WWOX: variants seen among roughly 807,000 people sequenced by gnomAD.
WWOX encodes the protein WW domain-containing oxidoreductase.
WWOX carries 69 observed loss-of-function variants against 46.2 expected under a neutral mutation model. That is an observed-to-expected ratio of 1.49 (90% CI 1.23 to 1.82). The LOEUF is 1.82. Among genes scored for constraint, WWOX ranks in the 40% most tolerant of loss-of-function variants. The pLI is 0.00. For missense variants in WWOX, 919 were observed against 542.6 expected, an observed-to-expected ratio of 1.69 and a Z score of -6.89; for synonymous variants, 359 against 202.6, an observed-to-expected ratio of 1.77 and a Z score of -6.56.
At chr16:79,061,934 G>C (rs556803172) in intron 8 of WWOX, among the ~76,000 whole-genome samples, 4 of 152,176 alleles carry the variant, frequency 2.6e-5, no homozygotes, top group Non-Finnish European at 5.9e-5. Flanking sequence ...GTGATATTGG[G>C]AAAGTGGGAC....
intron 8 of WWOX, among the ~76,000 whole-genome samples, chr16:79,069,112 C>A (rs1028187235): frequency 4.6e-5 from 7 of 152,172 alleles, no homozygotes; most frequent in African/African-American, 1.4e-4. Context: ...GAACTCCCCA[C>A]GTGTGACATC....
At chr16:79,167,376 G>C (rs193218346) in intron 8 of WWOX, among the ~76,000 whole-genome samples, 1 of 152,136 alleles carries the variant, frequency 6.6e-6, no homozygotes, top group Non-Finnish European at 1.5e-5. Flanking sequence ...CTTAGTATTT[G>C]GTTTTTTTCT....
intron 8 of WWOX, among the ~76,000 whole-genome samples, chr16:78,619,851 T>C (rs1417086541): frequency 6.6e-6 from 1 of 151,910 alleles, no homozygotes; most frequent in Non-Finnish European, 1.5e-5. Flanking sequence ...TGAACCATGA[T>C]TGCACCGTTG....
At chr16:78,567,997 G>A (rs1208367019) in intron 8 of WWOX, among the ~76,000 whole-genome samples, 2 of 152,138 alleles carry the variant, frequency 1.3e-5, no homozygotes, top group African/African-American at 4.8e-5. Flanking sequence ...GAAATCTAGA[G>A]CCTCTGTTCA....
At chr16:78,175,804 T>C (rs367637313) in intron 5 of WWOX, among the ~76,000 whole-genome samples, 6 of 152,216 alleles carry the variant, frequency 3.9e-5, no homozygotes, top group Non-Finnish European at 7.3e-5. Flanking sequence ...GAATTTGTGA[T>C]GTAGCGGTAG....
At chr16:78,120,279 T>G (rs2033022837) in intron 4 of WWOX, among the ~76,000 whole-genome samples, 1 of 152,142 alleles carries the variant, frequency 6.6e-6, no homozygotes, top group Non-Finnish European at 1.5e-5. Flanking sequence ...AATGAAGGTA[T>G]AAATATTTCA....
chr16:78,348,958 G>A lies in WWOX; in HGVS notation c.517-37902G>A, dbSNP rs895435495. 3.3e-5 allele frequency among the ~76,000 whole-genome samples: 4 copies of A among 120,836 alleles called. No homozygotes were observed. The East Asian group carries it at 7.7e-4, about 23-fold the overall frequency. 79.3% of individuals were successfully genotyped at this position (120,836 alleles called of 152,430 possible). A position where few individuals can be genotyped will look rare whatever the true frequency, so the allele number is the denominator to read the frequency against. Reference sequence around the variant, plus strand: ...AGAGGGGAAAAGAGGAAGTCTGAACGAGGGCCACATTGCAGATAGAGGCCG... The same window carrying A: ...AGAGGGGAAAAGAGGAAGTCTGAACAAGGGCCACATTGCAGATAGAGGCCG... On this transcript the variant is annotated intron_variant, in intron 5 of 8. Coordinates refer to ENST00000566780, the MANE Select transcript of WWOX (RefSeq NM_016373.4).
At chr16:78,721,294 C>G (rs561077161) in intron 8 of WWOX, among the ~76,000 whole-genome samples, 2 of 152,258 alleles carry the variant, frequency 1.3e-5, no homozygotes, top group East Asian at 3.9e-4. Context: ...TTCCATTATT[C>G]TATTTCCCCC....
intron 5 of WWOX, among the ~76,000 whole-genome samples, chr16:78,181,175 G>A (rs76701707): frequency 2.6e-5 from 4 of 152,198 alleles, no homozygotes; most frequent in Middle Eastern, 3.4e-3. Context: ...GTGGAGACAC[G>A]GAGGAGGGAC....
At chr16:78,574,994 T>C (rs2044813977) in intron 8 of WWOX, among the ~76,000 whole-genome samples, 1 of 75,230 alleles carries the variant, frequency 1.3e-5, no homozygotes, top group African/African-American at 4.7e-5. Flanking sequence ...ATATTTATTT[T>C]TCAATTATAT....
At chr16:78,473,311 G>C (rs1379564139) in intron 8 of WWOX, among the ~76,000 whole-genome samples, 1 of 152,118 alleles carries the variant, frequency 6.6e-6, no homozygotes, top group Non-Finnish European at 1.5e-5. Flanking sequence ...TGTAGTTTTA[G>C]TGGAGACAGG....
At chr16:78,846,948 T>C (rs2052314063) in intron 8 of WWOX, among the ~76,000 whole-genome samples, 1 of 152,252 alleles carries the variant, frequency 6.6e-6, no homozygotes, top group Non-Finnish European at 1.5e-5. Flanking sequence ...CTGTAGGTCA[T>C]AATACGACAG....
At chr16:78,920,707 G>A (rs1408452375) in intron 8 of WWOX, among the ~76,000 whole-genome samples, 1 of 152,162 alleles carries the variant, frequency 6.6e-6, no homozygotes, top group Non-Finnish European at 1.5e-5. Context: ...GATGGAGACA[G>A]AGAGAGAAAG....
rs373024838 is a variant in WWOX, at chr16:78,773,578, A to G, written c.1056+340826A>G. ...AGACTAGTGGGGCTCTCACTTATTC[A>G]TAGCTCCGCACTCGTGGGTGGAATG... On this transcript the variant is annotated intron_variant, in intron 8 of 8. Coordinates refer to ENST00000566780, the MANE Select transcript of WWOX (RefSeq NM_016373.4). Among the ~76,000 whole-genome samples the G allele has an allele frequency of 2.6e-5, 4 of 152,302 alleles. No individual in the cohort carries two copies. The East Asian group carries it at 7.7e-4, about 29-fold the overall frequency.
chr16:78,493,398 T>C (rs575313998), intron 8 of WWOX, among the ~76,000 whole-genome samples: 1 of 152,330 alleles, frequency 6.6e-6, no homozygotes, highest in Admixed American at 6.5e-5. Context: ...GCTTGATTTA[T>C]GCACACAAAG....
At chr16:78,639,710 C>G (rs2142110141) in intron 8 of WWOX, among the ~76,000 whole-genome samples, 1 of 152,120 alleles carries the variant, frequency 6.6e-6, no homozygotes, top group Middle Eastern at 3.4e-3. Context: ...ATTACAGGTG[C>G]CCGCCACCAC....
chr16:78,162,871 G>A (rs986317764), intron 4 of WWOX, among the ~76,000 whole-genome samples: 1 of 151,936 alleles, frequency 6.6e-6, no homozygotes, highest in African/African-American at 2.4e-5. Flanking sequence ...CGTCAGCTGT[G>A]TCTTGTATTC....
intron 5 of WWOX, among the ~76,000 whole-genome samples, chr16:78,178,546 C>A (rs1341263294): frequency 6.6e-6 from 1 of 152,120 alleles, no homozygotes; most frequent in Non-Finnish European, 1.5e-5. Context: ...TCCTTTCATA[C>A]CCGGAATTCG....
At chr16:79,202,620 A>C (rs1245233363) in intron 8 of WWOX, 2 of 152,260 alleles carry the variant, frequency 1.3e-5, no homozygotes, top group Non-Finnish European at 2.9e-5. Context: ...AAGCCACAAC[A>C]GTCTAGGAAG....
Sources: gnomAD v4.1 joint callset for allele counts (sites outside exome capture counted in the v4.1 genomes callset) on GRCh38, gnomAD v4.1.1 for gene constraint, MANE v1.5 for transcripts, NCBI Gene and HGNC (gene_info 2026-07-23, HGNC 2026-07-21) for gene names.